The following GPR158 variants were observed in gnomAD, a reference collection of about 807,000 sequenced individuals.
GPR158 encodes the protein metabotropic glycine receptor.
In GPR158, 30 loss-of-function variants were observed where a neutral mutation model predicts 78.2. The observed-to-expected ratio is 0.38, with a 90% CI of 0.29 to 0.52. The LOEUF is 0.52. Ranked by LOEUF, GPR158 falls within the 20% of genes least tolerant of loss-of-function variation. The probability of loss-of-function intolerance (pLI) is 0.83; values close to 1 mark genes in which losing one functional copy is unlikely to be tolerated. For synonymous variants in GPR158, 581 were observed against 591.1 expected, an observed-to-expected ratio of 0.98 and a Z score of 0.25; for missense variants, 1,463 against 1,523.5, an observed-to-expected ratio of 0.96 and a Z score of 0.66.
intron 2 of GPR158, among the ~76,000 whole-genome samples, chr10:25,346,042 C>A (rs1379709890): frequency 6.6e-6 from 1 of 151,926 alleles, no homozygotes; most frequent in Non-Finnish European, 1.5e-5. Flanking sequence ...AATATCATAT[C>A]TAGACCTCAA....
At chr10:25,314,191 C>G (rs1303612756) in intron 2 of GPR158, among the ~76,000 whole-genome samples, 4 of 152,156 alleles carry the variant, frequency 2.6e-5, no homozygotes, top group African/African-American at 9.7e-5. Context: ...GCCTCCACCT[C>G]CTGGGTTCAA....
chr10:25,459,668 T>C (rs1020448193), intron 4 of GPR158, among the ~76,000 whole-genome samples: 1 of 152,230 alleles, frequency 6.6e-6, no homozygotes, highest in African/African-American at 2.4e-5. Flanking sequence ...CTCTTCTTAT[T>C]ACATCCAGTG....
rs377209394 is a variant in GPR158, at chr10:25,358,097, G to A, written c.1009-37814G>A. 2.2e-4 allele frequency among the ~76,000 whole-genome samples: 34 copies of A among 152,186 alleles called. No individual in the cohort carries two copies. The South Asian group carries it at 2.3e-3, about 10-fold the overall frequency. On this transcript the variant is annotated intron_variant, in intron 2 of 10. Coordinates refer to ENST00000376351, the MANE Select transcript of GPR158 (RefSeq NM_020752.3). ...CTGCTGCATTTCAGACTGGCATGGG[G>A]CCTGTAGCCCCTTTGTTTTTCCCAA...
chr10:25,405,498 C>CTTTTTTTTTTTTTTT (rs59695469), intron 3 of GPR158, among the ~76,000 whole-genome samples: 4 of 45,534 alleles, frequency 8.8e-5, no homozygotes, highest in Admixed American at 3.2e-4. Context: ...AAACAATTTC[C>CTTTTTTTTTTTTTTT]TTTTTTTTTT....
At chr10:25,511,917 G>GT (rs1270515207) in intron 5 of GPR158, among the ~76,000 whole-genome samples, 1 of 152,154 alleles carries the variant, frequency 6.6e-6, no homozygotes, top group African/African-American at 2.4e-5. Flanking sequence ...CCAGTACCAT[G>GT]TTGTTTTGGG....
chr10:25,319,398 T>C (rs769198194), intron 2 of GPR158, among the ~76,000 whole-genome samples: 2 of 152,166 alleles, frequency 1.3e-5, no homozygotes, highest in Non-Finnish European at 2.9e-5. Context: ...AAATTCCCAT[T>C]GTGTTAATCT....
chr10:25,364,772 AG>A (rs1855694045), intron 2 of GPR158, among the ~76,000 whole-genome samples: 1 of 151,876 alleles, frequency 6.6e-6, no homozygotes, highest in Non-Finnish European at 1.5e-5. Flanking sequence ...GACAGATATT[AG>A]GAATGCTAAG....
chr10:25,454,670 C>G (rs1835267249), intron 4 of GPR158, among the ~76,000 whole-genome samples: 1 of 152,192 alleles, frequency 6.6e-6, no homozygotes. Flanking sequence ...CCCACCCTGT[C>G]TGCCTCGCCC....
intron 5 of GPR158, among the ~76,000 whole-genome samples, chr10:25,542,950 A>C (rs574872938): frequency 1.8e-4 from 27 of 152,234 alleles, no homozygotes; most frequent in African/African-American, 3.4e-4. Flanking sequence ...CAGGCAATCA[A>C]GCAGACTTCA....
Position 25,596,582 on chromosome 10 carries a change from T to C in GPR158, c.1999-61T>C, listed in dbSNP as rs188016784. Reference sequence around the variant, plus strand: ...ATAGATATAGGTATAGATATAGATATAGATATATGCAATGCGTTACAGTGA... The same window carrying C: ...ATAGATATAGGTATAGATATAGATACAGATATATGCAATGCGTTACAGTGA... On this transcript the variant is annotated intron_variant, in intron 9 of 10. Coordinates refer to ENST00000376351, the MANE Select transcript of GPR158 (RefSeq NM_020752.3). 23 of 1,199,436 alleles carry C rather than the reference T, an allele frequency of 1.9e-5. No homozygotes were observed. In the East Asian group the frequency reaches 4.8e-4, roughly 25 times the overall value. 74.3% of individuals were successfully genotyped at this position (1,199,436 alleles called of 1,614,324 possible).
At chr10:25,551,118 GA>G in intron 6 of GPR158, 33 bp downstream of exon 6, 1 of 1,205,572 alleles carries the variant, frequency 8.3e-7, no homozygotes, top group Non-Finnish European at 1.2e-6. Flanking sequence ...CATTCTCATG[GA>G]AAGATCAAAC....
chr10:25,284,027 C>T (rs1020077999), intron 2 of GPR158, among the ~76,000 whole-genome samples: 11 of 151,788 alleles, frequency 7.2e-5, no homozygotes, highest in Non-Finnish European at 1.2e-4. Flanking sequence ...CATTTGTGAC[C>T]CAGAGTATTG....
At chr10:25,246,638 G>A (rs1853693767) in intron 2 of GPR158, among the ~76,000 whole-genome samples, 1 of 152,182 alleles carries the variant, frequency 6.6e-6, no homozygotes, top group Non-Finnish European at 1.5e-5. Context: ...GTGGGGATAG[G>A]AAGCATATAT....
chr10:25,313,214 C>T (rs1854792939), intron 2 of GPR158, among the ~76,000 whole-genome samples: 1 of 128,198 alleles, frequency 7.8e-6, no homozygotes, highest in South Asian at 2.4e-4. Flanking sequence ...TAAGTATAAA[C>T]TTTATCATGT....
chr10:25,574,799 C>A (rs541994526), intron 7 of GPR158, among the ~76,000 whole-genome samples: 2 of 152,092 alleles, frequency 1.3e-5, no homozygotes, highest in Non-Finnish European at 2.9e-5. Context: ...GCAGAAGAAT[C>A]GCTTGAACCC....
chr10:25,531,877 C>T (rs560686761), intron 5 of GPR158, among the ~76,000 whole-genome samples: 5 of 152,184 alleles, frequency 3.3e-5, no homozygotes, highest in Middle Eastern at 3.4e-3. Context: ...AAGGTCATGC[C>T]GTTAGGAAGT....
chr10:25,389,918 TGGA>T (rs1834271092), intron 2 of GPR158, among the ~76,000 whole-genome samples: 1 of 152,320 alleles, frequency 6.6e-6, no homozygotes, highest in South Asian at 2.1e-4. Context: ...CATGTGTTGT[TGGA>T]GGGACCTGGT....
chr10:25,359,563 T>G (rs566707993), intron 2 of GPR158, among the ~76,000 whole-genome samples: 11 of 152,212 alleles, frequency 7.2e-5, no homozygotes, highest in African/African-American at 2.6e-4. Flanking sequence ...CCAGCTTCAT[T>G]CATTTCCCTG....
intron 7 of GPR158, among the ~76,000 whole-genome samples, chr10:25,575,407 G>C (rs1336794455): frequency 6.6e-6 from 1 of 152,084 alleles, no homozygotes; most frequent in Non-Finnish European, 1.5e-5. Flanking sequence ...CATTAGAAGG[G>C]AGAAAGAGCG....
Sources: gnomAD v4.1 joint callset for allele counts (sites outside exome capture counted in the v4.1 genomes callset) on GRCh38, gnomAD v4.1.1 for gene constraint, MANE v1.5 for transcripts, NCBI Gene and HGNC (gene_info 2026-07-23, HGNC 2026-07-21) for gene names.